Variants in DAB1 observed in about 807,000 individuals in gnomAD.
The protein encoded by DAB1 is DAB adaptor protein 1.
Under a neutral mutation model 64.6 loss-of-function variants are expected in DAB1, and 15 were observed. The ratio of observed to expected loss-of-function variants is 0.23; its 90% confidence interval spans 0.16 to 0.36. The LOEUF is 0.36. Among genes scored for constraint, DAB1 ranks in the 10% least tolerant of loss-of-function variants. The probability of loss-of-function intolerance (pLI) is 1.00; values close to 1 mark genes in which losing one functional copy is unlikely to be tolerated. For synonymous variants in DAB1, 235 were observed against 251.9 expected, an observed-to-expected ratio of 0.93 and a Z score of 0.64; for missense variants, 596 against 706.7, an observed-to-expected ratio of 0.84 and a Z score of 1.78.
At chr1:57,027,209 G>A (rs1308343928) in intron 9 of DAB1, among the ~76,000 whole-genome samples, 1 of 152,140 alleles carries the variant, frequency 6.6e-6, no homozygotes, top group African/African-American at 2.4e-5. Context: ...CTCCATGCCT[G>A]GGGGTGTGGA....
At chr1:58,436,494 A>T (rs916170641) in intron 3 of DAB1, among the ~76,000 whole-genome samples, 1 of 152,136 alleles carries the variant, frequency 6.6e-6, no homozygotes, top group African/African-American at 2.4e-5. Flanking sequence ...TGAATCTCTT[A>T]GCTCTTCAGT....
chr1:58,393,889 T>C (rs911522680), intron 3 of DAB1, among the ~76,000 whole-genome samples: 1 of 152,162 alleles, frequency 6.6e-6, no homozygotes, highest in African/African-American at 2.4e-5. Flanking sequence ...TTACCACACA[T>C]AAAAAGTATG....
intron 12 of DAB1, among the ~76,000 whole-genome samples, chr1:57,013,977 G>A (rs41286862): frequency 0.027 from 4,142 of 152,220 alleles, 68 homozygotes; most frequent in South Asian, 0.038. Context: ...GAAGTCATAC[G>A]CTTGCCCAAA....
intron 1 of DAB1, among the ~76,000 whole-genome samples, chr1:57,380,817 T>C (rs779204774): frequency 3.9e-5 from 6 of 152,168 alleles, no homozygotes; most frequent in South Asian, 2.1e-4. Flanking sequence ...TTGATGAACA[T>C]ACAATAAAAG....
At chr1:57,069,841 C>T (rs892675517) in intron 7 of DAB1, among the ~76,000 whole-genome samples, 2 of 152,172 alleles carry the variant, frequency 1.3e-5, no homozygotes, top group Admixed American at 6.5e-5. Context: ...GGTTCAAAAT[C>T]CTAAACAAAC....
At chr1:58,246,310 A>G (rs1660526031) in intron 4 of DAB1, among the ~76,000 whole-genome samples, 1 of 152,112 alleles carries the variant, frequency 6.6e-6, no homozygotes, top group Non-Finnish European at 1.5e-5. Context: ...AGGAAATTTC[A>G]CTCTAGTGGG....
At chr1:57,777,058 A>G (rs984476459) in intron 6 of DAB1, among the ~76,000 whole-genome samples, 2 of 150,886 alleles carry the variant, frequency 1.3e-5, no homozygotes, top group Admixed American at 6.6e-5. Context: ...TTAATTTTGG[A>G]AGAAAACTTT....
At chr1:57,474,620 TC>T (rs1398454297) in intron 7 of DAB1, among the ~76,000 whole-genome samples, 1 of 152,172 alleles carries the variant, frequency 6.6e-6, no homozygotes, top group South Asian at 2.1e-4. Flanking sequence ...AAAAGAAATA[TC>T]CTATTATCTG....
At chr1:58,020,084 G>C (rs951385056) in intron 5 of DAB1, among the ~76,000 whole-genome samples, 9 of 152,062 alleles carry the variant, frequency 5.9e-5, no homozygotes, top group Non-Finnish European at 1.3e-4. Flanking sequence ...TTAATCTTTT[G>C]ATGACCCTCT....
At chr1:57,027,374 C>T (rs1225435731) in intron 9 of DAB1, among the ~76,000 whole-genome samples, 1 of 152,192 alleles carries the variant, frequency 6.6e-6, no homozygotes, top group African/African-American at 2.4e-5. Flanking sequence ...CAGCACAACC[C>T]TATAAAACTT....
intron 6 of DAB1, among the ~76,000 whole-genome samples, chr1:57,701,298 C>A (rs1425805960): frequency 1.3e-5 from 2 of 152,052 alleles, no homozygotes; most frequent in Non-Finnish European, 2.9e-5. Flanking sequence ...AGACTTGGAA[C>A]CAACCCAAAT....
chr1:58,358,821 C>T (rs574043080), intron 3 of DAB1, among the ~76,000 whole-genome samples: 1 of 152,176 alleles, frequency 6.6e-6, no homozygotes, highest in East Asian at 1.9e-4. Context: ...TTTCTTCTCT[C>T]TCTTTCTGTC....
chr1:57,269,273 G>A (rs1670810665), intron 2 of DAB1, among the ~76,000 whole-genome samples: 1 of 152,128 alleles, frequency 6.6e-6, no homozygotes, highest in Non-Finnish European at 1.5e-5. Context: ...AGAAAGCCTT[G>A]CCATGCAGGG....
intron 5 of DAB1, among the ~76,000 whole-genome samples, chr1:58,095,902 G>C (rs1233543075): frequency 6.6e-6 from 1 of 152,192 alleles, no homozygotes; most frequent in Non-Finnish European, 1.5e-5. Flanking sequence ...TGGAGGCCTG[G>C]GGATTGAATG....
At chr1:57,301,382 C>A (rs1673639636) in intron 1 of DAB1, among the ~76,000 whole-genome samples, 1 of 152,142 alleles carries the variant, frequency 6.6e-6, no homozygotes, top group Non-Finnish European at 1.5e-5. Flanking sequence ...GATACCATTC[C>A]TCATTTTAAC....
At chr1:57,262,049 G>C (rs1483409355) in intron 2 of DAB1, among the ~76,000 whole-genome samples, 1 of 152,162 alleles carries the variant, frequency 6.6e-6, no homozygotes, top group East Asian at 1.9e-4. Flanking sequence ...GGAGGTAGGG[G>C]TCAGCAAGGG....
chr1:58,342,979 A>C (rs1194305832), intron 4 of DAB1, among the ~76,000 whole-genome samples: 2 of 152,158 alleles, frequency 1.3e-5, no homozygotes, highest in Non-Finnish European at 2.9e-5. Context: ...AAGCCTGTTC[A>C]TGCCTCCTTT....
intron 2 of DAB1, among the ~76,000 whole-genome samples, chr1:57,191,202 C>T (rs1664091380): frequency 6.6e-6 from 1 of 152,178 alleles, no homozygotes; most frequent in South Asian, 2.1e-4. Context: ...GGACTTCATC[C>T]TGGCTTCTCT....
At chr1:58,168,146 G>A (rs1473469270) in intron 4 of DAB1, among the ~76,000 whole-genome samples, 1 of 152,198 alleles carries the variant, frequency 6.6e-6, no homozygotes, top group Non-Finnish European at 1.5e-5. Context: ...TAGCACAGCT[G>A]CCAGATTAAA....
Sources: gnomAD v4.1 joint callset for allele counts (sites outside exome capture counted in the v4.1 genomes callset) on GRCh38, gnomAD v4.1.1 for gene constraint, MANE v1.5 for transcripts, NCBI Gene and HGNC (gene_info 2026-07-23, HGNC 2026-07-21) for gene names.